MYO7A: variants seen among roughly 807,000 people sequenced by gnomAD.
MYO7A encodes myosin VIIA, also known as unconventional myosin-VIIa.
A neutral mutation model predicts 263.8 loss-of-function variants in MYO7A; 210 were observed. The observed-to-expected ratio is 0.80, with a 90% confidence interval of 0.71 to 0.89. The LOEUF (loss-of-function observed/expected upper bound fraction) is 0.89. Among genes scored for constraint, MYO7A ranks in the 40% least tolerant of loss-of-function variants. MYO7A has a pLI of 0.00. For missense variants in MYO7A, 2,820 were observed against 2,968.3 expected, an observed-to-expected ratio of 0.95 and a Z score of 1.16; for synonymous variants, 1,239 against 1,197.3, an observed-to-expected ratio of 1.03 and a Z score of -0.72.
Position 77,138,317 on chromosome 11 carries a change from A to T in MYO7A, c.19-4392A>T, listed in dbSNP as rs1555048541. Among the ~76,000 whole-genome samples, 1 of 135,368 alleles carries T rather than the reference A, an allele frequency of 7.4e-6. No individual in the cohort carries two copies. The highest frequency in any genetic ancestry group is 2.3e-4 in the South Asian group (1 of 4,284). 88.8% of individuals were successfully genotyped at this position (135,368 alleles called of 152,430 possible). On this transcript the variant is annotated intron_variant, in intron 2 of 48. Coordinates refer to ENST00000409709, the MANE Select transcript of MYO7A (RefSeq NM_000260.4). The surrounding 1 kb of genome is among the most constrained non-coding windows in gnomAD (Gnocchi z 4.9). ...CGTCGCCGTCGCAGCGCCATGGAGG[A>T]CCCCGCCGACCCTGCCGACCCCGCG...
chr11:77,153,632 G>A (rs1293349562), intron 4 of MYO7A, among the ~76,000 whole-genome samples: 1 of 152,210 alleles, frequency 6.6e-6, no homozygotes, highest in African/African-American at 2.4e-5. Flanking sequence ...ACTGCCTTCT[G>A]GAAGCTGGTC....
chr11:77,211,925 C>G lies in MYO7A; in HGVS notation c.6342C>G (p.Phe2114Leu). ...IFKWPTFGSAFFEVKQTTEPN... is the reference protein window; with the variant it reads ...IFKWPTFGSALFEVKQTTEPN... Reference sequence around the variant, plus strand: ...AGTGGCCCACCTTTGGCTCAGCCTTCTTCGAGGTGAAGGTACACCATGGGC... The same window carrying G: ...AGTGGCCCACCTTTGGCTCAGCCTTGTTCGAGGTGAAGGTACACCATGGGC... The change falls in exon 46 of 49, where the codon TTC becomes TTG. Residue 2114 changes from phenylalanine to leucine, a missense_variant. Coordinates refer to ENST00000409709, the MANE Select transcript of MYO7A (RefSeq NM_000260.4). 1 of 1,613,644 alleles carries G rather than the reference C, an allele frequency of 6.2e-7. No homozygotes were observed. Among genetic ancestry groups the G allele is most frequent in the South Asian group, 1.1e-5 (1 of 91,052 alleles).
At chr11:77,162,072 A>T in intron 12 of MYO7A, 48 bp from the exon 13 acceptor site, 2 of 1,522,848 alleles carry the variant, frequency 1.3e-6, no homozygotes, top group Non-Finnish European at 1.8e-6. Flanking sequence ...CCTGAACAGC[A>T]TGGTGGGGCC....
chr11:77,145,904 G>T (rs1396088870), intron 3 of MYO7A, among the ~76,000 whole-genome samples: 1 of 152,158 alleles, frequency 6.6e-6, no homozygotes, highest in Non-Finnish European at 1.5e-5. Context: ...GGACTTCTGG[G>T]GTCTGTCCAT....
At chr11:77,194,208 A>G (rs1241037334) in intron 31 of MYO7A, 146 bp from the exon 32 acceptor site, 1 of 949,944 alleles carries the variant, frequency 1.1e-6, no homozygotes, top group South Asian at 1.4e-5. Flanking sequence ...TCCCTGGTGA[A>G]TCAGTGAGAA....
At chr11:77,170,343 A>G (rs556405533) in intron 15 of MYO7A, among the ~76,000 whole-genome samples, 1 of 152,268 alleles carries the variant, frequency 6.6e-6, no homozygotes, top group African/African-American at 2.4e-5. Flanking sequence ...TTGCAAGCCT[A>G]TGCCTGCATC....
In MYO7A at chr11:77,158,339, C is replaced by T. The variant is rs2135257339; in HGVS notation, c.912C>T (p.Ala304=). The T allele has an allele frequency of 1.9e-6, 3 of 1,613,510 alleles. No homozygotes were observed. The highest frequency in any genetic ancestry group is 2.7e-5 in the African/African-American group (2 of 75,066). Residue 304 remains alanine (A), a synonymous_variant, in exon 9 of 49, where the codon GCC becomes GCT. Transcript: ENST00000409709. ...DSQEYANIRS[A]MKVLMFTDTE... ...AGGAGTACGCCAACATCCGCTCCGC[C>T]ATGAAGGTGCTCATGTTCACTGACA...
rs1433473653 is a variant in MYO7A at position 77,192,891 on chromosome 11, AGTGATGGTGTTG to A, written c.4152+623_4152+634del. Among the ~76,000 whole-genome samples the A allele has an allele frequency of 4.6e-5, 6 of 130,174 alleles. 1 individual carries two copies. Among genetic ancestry groups the A allele is most frequent in the Admixed American group, 1.5e-4 (2 of 13,718 alleles). 85.4% of individuals were successfully genotyped at this position (130,174 alleles called of 152,430 possible). On this transcript the variant is annotated intron_variant, in intron 31 of 48. Coordinates refer to ENST00000409709, the MANE Select transcript of MYO7A (RefSeq NM_000260.4). ...TGATGGTGGTGATGGTGGAGGAGGT[AGTGATGGTGTTG>A]GTGATGGTGGAGGGTAGTGATGGTG... is the stretch of plus-strand genomic sequence containing the variant.
intron 39 of MYO7A, 148 bp from the exon 40 acceptor site, chr11:77,205,314 G>A: frequency 1.1e-6 from 1 of 944,094 alleles, no homozygotes; most frequent in African/African-American, 1.7e-5. Context: ...GGTAGGGTGA[G>A]GGGTCCTGAG....
At position 77,162,887 on chromosome 11, in the gene MYO7A, C is replaced by G; in HGVS notation, c.1589C>G (p.Ser530Cys). Residue 530 changes from serine to cysteine, a missense_variant, in exon 14 of 49, where the codon TCC (serine) becomes TGC (cysteine). By Grantham distance (112) the Ser-to-Cys change is moderately radical. Coordinates refer to ENST00000409709, the MANE Select transcript of MYO7A (RefSeq NM_000260.4). ...ACCACCATGTTACACAAGCTGAACTCCCAGCACAAGCTCAACGCCAACTAC... is the reference window on the plus strand; with the variant it reads ...ACCACCATGTTACACAAGCTGAACTGCCAGCACAAGCTCAACGCCAACTAC... ...TDTTMLHKLN[S>C]QHKLNANYIP... is the part of the protein sequence containing the mutation. 2 of 1,613,764 alleles carry G rather than the reference C, an allele frequency of 1.2e-6. No homozygotes were observed. Among genetic ancestry groups the G allele is most frequent in the Non-Finnish European group, 1.7e-6 (2 of 1,179,848 alleles).
chr11:77,156,456 C>T (rs376606269), intron 5 of MYO7A, among the ~76,000 whole-genome samples: 49 of 152,336 alleles, frequency 3.2e-4, no homozygotes, highest in African/African-American at 1.2e-3. Context: ...AGTATGGATG[C>T]AGGTGTATTT....
intron 20 of MYO7A, among the ~76,000 whole-genome samples, chr11:77,179,519 C>G (rs1344107460): frequency 2.0e-5 from 3 of 152,166 alleles, no homozygotes; most frequent in African/African-American, 7.2e-5. Context: ...CTTGGGGGCC[C>G]CAACTCAGGG....
At chr11:77,207,655 A>G (rs1400109185) in intron 42 of MYO7A, among the ~76,000 whole-genome samples, 1 of 152,206 alleles carries the variant, frequency 6.6e-6, no homozygotes, top group Non-Finnish European at 1.5e-5. Context: ...TAAAAACACC[A>G]GACCCTCACC....
chr11:77,196,548 A>G (rs987886102), intron 32 of MYO7A, among the ~76,000 whole-genome samples: 1 of 152,216 alleles, frequency 6.6e-6, no homozygotes. Context: ...TGCACGTTCA[A>G]AAAAGTAGGA....
chr11:77,203,475 G>A (rs1957218573), intron 38 of MYO7A, among the ~76,000 whole-genome samples: 1 of 152,236 alleles, frequency 6.6e-6, no homozygotes, highest in South Asian at 2.1e-4. Flanking sequence ...GACCAGCCCA[G>A]CCCCTGGCCT....
chr11:77,174,255 G>A (rs1954407474), intron 16 of MYO7A, among the ~76,000 whole-genome samples: 1 of 152,072 alleles, frequency 6.6e-6, no homozygotes, highest in African/African-American at 2.4e-5. Context: ...CTAGAAAGTT[G>A]TCTGAATAAC....
chr11:77,151,378 G>A (rs545220072), intron 4 of MYO7A, among the ~76,000 whole-genome samples: 2 of 152,332 alleles, frequency 1.3e-5, no homozygotes, highest in South Asian at 4.1e-4. Flanking sequence ...GAGACTGCAT[G>A]GAGTGGGCAC....
At chr11:77,166,007 G>C in intron 14 of MYO7A, 49 bp from the exon 15 acceptor site, 1 of 1,399,750 alleles carries the variant, frequency 7.1e-7, no homozygotes, top group Non-Finnish European at 1.0e-6. Flanking sequence ...TGGGTTTGGG[G>C]AGGGCCTGCC....
intron 48 of MYO7A, 55 bp from the exon 49 acceptor site, chr11:77,214,552 A>G: frequency 7.7e-7 from 1 of 1,305,468 alleles, no homozygotes; most frequent in Non-Finnish European, 1.1e-6. Flanking sequence ...CTATGGTCTG[A>G]GTGGCTGGCC....
Sources: allele counts gnomAD v4.1 joint callset (sites outside exome capture counted in the v4.1 genomes callset), GRCh38; gene constraint gnomAD v4.1.1; non-coding constraint Gnocchi (gnomAD v3.1); transcripts MANE v1.5; gene names NCBI Gene and HGNC (gene_info 2026-07-23, HGNC 2026-07-21).